DCLK1: variants seen among roughly 807,000 people sequenced by gnomAD.
The protein encoded by DCLK1 is doublecortin like kinase 1.
In DCLK1, 16 loss-of-function variants were observed where a neutral mutation model predicts 86.2. The observed-to-expected ratio is 0.19, with a 90% CI of 0.13 to 0.28. The LOEUF (loss-of-function observed/expected upper bound fraction) is 0.28. Ranked by LOEUF, DCLK1 falls within the 10% of genes least tolerant of loss-of-function variation. The pLI, the probability that DCLK1 is intolerant of heterozygous loss-of-function variation, is 1.00. For missense variants in DCLK1, 590 were observed against 940.2 expected, an observed-to-expected ratio of 0.63 and a Z score of 4.87; for synonymous variants, 369 against 370.5, an observed-to-expected ratio of 1.00 and a Z score of 0.05.
chr13:35,924,942 A>T (rs974801938), intron 4 of DCLK1, among the ~76,000 whole-genome samples: 9 of 152,208 alleles, frequency 5.9e-5, no homozygotes, highest in African/African-American at 2.2e-4. Flanking sequence ...AGAGCTGAGT[A>T]GTTGCAACAG....
intron 6 of DCLK1, chr13:35,847,537 G>T (rs575919966): frequency 2.0e-6 from 2 of 983,948 alleles, no homozygotes; most frequent in Non-Finnish European, 2.4e-6. Context: ...ATTAAAATAT[G>T]TGGAATTTTC....
At position 35,919,495 on chromosome 13, in the gene DCLK1, G is replaced by A. The variant is rs569806421; in HGVS notation, c.823+27863C>T. On this transcript the variant is annotated intron_variant, in intron 4 of 16. Coordinates refer to ENST00000360631, the MANE Select transcript of DCLK1 (RefSeq NM_001330071.2). ...ACACAGATGCCAGTGGGGCTGCTCC[G>A]GCTGAAGGAGAGGGTTTTTATTTTG... Among the ~76,000 whole-genome samples, 27 of 152,182 alleles carry A rather than the reference G, an allele frequency of 1.8e-4. No individual in the cohort carries two copies. The East Asian group carries it at 3.3e-3, about 19-fold the overall frequency.
intron 4 of DCLK1, among the ~76,000 whole-genome samples, chr13:35,903,006 C>G (rs1247300237): frequency 1.3e-5 from 2 of 151,528 alleles, no homozygotes; most frequent in Non-Finnish European, 2.9e-5. Flanking sequence ...TTTCATACAC[C>G]AGGTTTCATT....
intron 4 of DCLK1, among the ~76,000 whole-genome samples, chr13:35,885,411 C>T (rs1018442272): frequency 8.6e-5 from 13 of 152,012 alleles, no homozygotes; most frequent in Non-Finnish European, 1.6e-4. Flanking sequence ...ACTGTAAGGC[C>T]GGGAACAAAA....
At position 35,866,122 on chromosome 13, in the gene DCLK1, C is replaced by A. The variant is rs559042210; in HGVS notation, c.940+5102G>T. 2.0e-5 allele frequency among the ~76,000 whole-genome samples: 3 copies of A among 152,284 alleles called. No individual in the cohort carries two copies. In the East Asian group the frequency reaches 5.8e-4, roughly 29 times the overall value. Reference sequence around the variant, plus strand: ...CTGAACTCTGGGACTCAGAGCAAAGCAGTTATCCCAGCCCTGCCTCTGTGT... The same window carrying A: ...CTGAACTCTGGGACTCAGAGCAAAGAAGTTATCCCAGCCCTGCCTCTGTGT... On this transcript the variant is annotated intron_variant, in intron 5 of 16. Transcript: ENST00000360631.
chr13:36,068,936 T>G (rs946132194), intron 3 of DCLK1, among the ~76,000 whole-genome samples: 7 of 152,160 alleles, frequency 4.6e-5, no homozygotes, highest in Non-Finnish European at 1.0e-4. Flanking sequence ...AAAATAAAAT[T>G]TGTTACTGTT....
intron 3 of DCLK1, among the ~76,000 whole-genome samples, chr13:36,045,342 A>ATG (rs1566658675): frequency 1.4e-5 from 1 of 69,610 alleles, no homozygotes; most frequent in African/African-American, 5.7e-5. Flanking sequence ...GTATATATAT[A>ATG]TATATATATA....
intron 4 of DCLK1, among the ~76,000 whole-genome samples, chr13:35,939,131 G>A (rs770481658): frequency 2.0e-5 from 3 of 152,196 alleles, no homozygotes; most frequent in East Asian, 3.9e-4. Flanking sequence ...GATCGGGAAC[G>A]TCTCCAGAAA....
Position 35,771,096 on chromosome 13 carries a change from G to C in DCLK1, c.*3439C>G, listed in dbSNP as rs983226626. On this transcript the variant is annotated 3_prime_UTR_variant, in exon 17 of 17. Coordinates refer to ENST00000360631, the MANE Select transcript of DCLK1 (RefSeq NM_001330071.2). ...TAGAGTTGTCTAGTGGACGCCCTTG[G>C]CCAGTAAACAACCATGATTTAATGT... is the stretch of plus-strand genomic sequence containing the variant. The C allele has an allele frequency of 1.3e-5, 2 of 152,174 alleles. No individual in the cohort carries two copies. The highest frequency in any genetic ancestry group is 4.8e-5 in the African/African-American group (2 of 41,436). 9.4% of individuals were successfully genotyped at this position (152,174 alleles called of 1,614,324 possible). A position where few individuals can be genotyped will look rare whatever the true frequency, so the allele number is the denominator to read the frequency against.
chr13:36,066,262 C>G (rs1318171157), intron 3 of DCLK1, among the ~76,000 whole-genome samples: 3 of 152,100 alleles, frequency 2.0e-5, no homozygotes, highest in African/African-American at 7.2e-5. Flanking sequence ...GAAATCAACC[C>G]AGGGCTTCTC....
chr13:36,131,693 G>A (rs1372748722), upstream of DCLK1, among the ~76,000 whole-genome samples: 1 of 152,224 alleles, frequency 6.6e-6, no homozygotes, highest in Non-Finnish European at 1.5e-5. Context: ...CAGGAAGTGT[G>A]CAAGGCACAG....
chr13:35,786,498 C>A (rs552772177), intron 16 of DCLK1, among the ~76,000 whole-genome samples: 3 of 152,264 alleles, frequency 2.0e-5, no homozygotes, highest in Admixed American at 2.0e-4. Context: ...TCAGTGTTTA[C>A]CCTCGAGGTG....
chr13:36,016,729 T>A (rs1222075577), intron 3 of DCLK1, among the ~76,000 whole-genome samples: 1 of 152,248 alleles, frequency 6.6e-6, no homozygotes, highest in Non-Finnish European at 1.5e-5. Context: ...AATGTTCTAG[T>A]AGCCACATTA....
intron 3 of DCLK1, among the ~76,000 whole-genome samples, chr13:36,051,899 C>A (rs1926332): frequency 0.015 from 2,274 of 152,112 alleles, 20 homozygotes; most frequent in Non-Finnish European, 0.026. Flanking sequence ...AAAGAAGAAC[C>A]TTAGAAGGGA....
intron 3 of DCLK1, among the ~76,000 whole-genome samples, chr13:36,044,479 T>C (rs1432662219): frequency 1.3e-5 from 2 of 152,194 alleles, no homozygotes; most frequent in Admixed American, 6.5e-5. Context: ...AAGAATTTTC[T>C]GAAGGAAGTG....
At chr13:35,777,729 C>G (rs527886981) in intron 16 of DCLK1, among the ~76,000 whole-genome samples, 1 of 152,310 alleles carries the variant, frequency 6.6e-6, no homozygotes, top group East Asian at 1.9e-4. Flanking sequence ...CCCCTCAGGT[C>G]CTCATAATAT....
chr13:35,986,971 C>T (rs930797080), intron 3 of DCLK1, among the ~76,000 whole-genome samples: 8 of 152,212 alleles, frequency 5.3e-5, no homozygotes, highest in African/African-American at 1.4e-4. Flanking sequence ...AAAGGCATTT[C>T]TGTTTGCACT....
intron 3 of DCLK1, among the ~76,000 whole-genome samples, chr13:36,088,961 C>CT (rs1884715663): frequency 6.6e-6 from 1 of 152,106 alleles, no homozygotes; most frequent in African/African-American, 2.4e-5. Flanking sequence ...TTTCTGAATA[C>CT]TTTTTTAAAA....
intron 4 of DCLK1, among the ~76,000 whole-genome samples, chr13:35,945,119 C>T (rs531307200): frequency 6.6e-6 from 1 of 152,086 alleles, no homozygotes; most frequent in Non-Finnish European, 1.5e-5. Context: ...AGGCTGGTCT[C>T]GAACTCCCAA....
Sources: allele counts gnomAD v4.1 joint callset (sites outside exome capture counted in the v4.1 genomes callset), GRCh38; gene constraint gnomAD v4.1.1; transcripts MANE v1.5; gene names NCBI Gene and HGNC (gene_info 2026-07-23, HGNC 2026-07-21).